LMF1: variants seen among roughly 807,000 people sequenced by gnomAD.
The protein encoded by LMF1 is lipase maturation factor 1.
Under a neutral mutation model 60.6 loss-of-function variants are expected in LMF1, and 68 were observed. The ratio of observed to expected loss-of-function variants is 1.12; its 90% CI spans 0.92 to 1.37. The LOEUF is 1.37. LMF1 is among the 40% of genes most tolerant of loss of function. The probability of loss-of-function intolerance (pLI) is 0.00; values close to 1 mark genes in which losing one functional copy is unlikely to be tolerated. For missense variants in LMF1, 948 were observed against 767.2 expected (o/e 1.24, Z -2.78); for synonymous variants, 418 against 324.7 (o/e 1.29, Z -3.09).
intron 10 of LMF1, chr16:855,365 CTCTCTGCTGAGCCCTGTATAAGG>C (rs1304751499): frequency 3.3e-6 from 1 of 299,896 alleles, no homozygotes; most frequent in African/African-American, 2.2e-5. Context: ...GCGGGCAGGT[CTCTCTGCTGAGCCCTGTATAAGG>C]TCCCGCCTGA....
chr16:883,033 C>T (rs1006364170), intron 5 of LMF1, among the ~76,000 whole-genome samples: 5 of 142,928 alleles, frequency 3.5e-5, no homozygotes, highest in South Asian at 4.6e-4. Context: ...AGCCACCCAG[C>T]GGAGCCCATC....
intron 4 of LMF1, among the ~76,000 whole-genome samples, chr16:904,384 G>T (rs1417847721): frequency 6.3e-5 from 7 of 110,356 alleles, no homozygotes; most frequent in Non-Finnish European, 1.3e-4. Context: ...TGCGTGGGGT[G>T]ACCTCTGCAT....
chr16:894,551 C>T (rs749665960), intron 4 of LMF1, among the ~76,000 whole-genome samples: 1 of 152,164 alleles, frequency 6.6e-6, no homozygotes, highest in African/African-American at 2.4e-5. Flanking sequence ...ATGCTGCAGG[C>T]GCAGGTGCGA....
At chr16:890,034 T>C (rs1298524804) in intron 5 of LMF1, among the ~76,000 whole-genome samples, 1 of 152,060 alleles carries the variant, frequency 6.6e-6, no homozygotes, top group Non-Finnish European at 1.5e-5. Context: ...AGATGTGGTG[T>C]CCTCGCTCTC....
chr16:891,440 A>G (rs1567192630), intron 5 of LMF1, among the ~76,000 whole-genome samples: 1 of 152,216 alleles, frequency 6.6e-6, no homozygotes, highest in Non-Finnish European at 1.5e-5. Flanking sequence ...TCTCTTGCCA[A>G]TGGAAAGCTG....
chr16:894,690 C>T (rs566056992), intron 4 of LMF1, among the ~76,000 whole-genome samples: 3 of 152,324 alleles, frequency 2.0e-5, no homozygotes, highest in South Asian at 4.1e-4. Flanking sequence ...CTGGGGCAGC[C>T]GCACTGGGCT....
chr16:911,608 GGGGGCAGCACTT>G (rs1335769325), intron 3 of LMF1, among the ~76,000 whole-genome samples: 17 of 34,514 alleles, frequency 4.9e-4, no homozygotes, highest in African/African-American at 2.9e-3. Context: ...GCAGCACTGG[GGGGGCAGCACTT>G]GGGGGGGCAG....
intron 6 of LMF1, among the ~76,000 whole-genome samples, chr16:877,642 G>A (rs1416995715): frequency 5.9e-5 from 9 of 152,320 alleles, no homozygotes; most frequent in Admixed American, 2.6e-4. Flanking sequence ...AAGCAGCCAC[G>A]AAAACAACCC....
chr16:978,985 TC>T, intron 1 of LMF1: 1 of 453,988 alleles, frequency 2.2e-6, no homozygotes, highest in South Asian at 1.6e-5. Flanking sequence ...AGACCATCCT[TC>T]CTGAAGTCCC....
intron 6 of LMF1, among the ~76,000 whole-genome samples, chr16:879,102 G>A (rs1274441081): frequency 6.6e-6 from 1 of 152,092 alleles, no homozygotes; most frequent in African/African-American, 2.4e-5. Context: ...CCGGGGTTCC[G>A]GGGGCTGGGG....
chr16:907,544 C>T (rs2071001250), intron 4 of LMF1, among the ~76,000 whole-genome samples: 1 of 152,074 alleles, frequency 6.6e-6, no homozygotes, highest in Non-Finnish European at 1.5e-5. Flanking sequence ...CCACGGGGCT[C>T]CCCCTGAGAT....
intron 1 of LMF1, 38 bp downstream of exon 1, chr16:970,750 T>G: frequency 2.0e-6 from 3 of 1,486,696 alleles, no homozygotes; most frequent in Admixed American, 2.1e-5. Flanking sequence ...TGCGCGGAGG[T>G]GACACTGGCG....
At chr16:855,255 C>G (rs866673657) in intron 10 of LMF1, 1 of 245,868 alleles carries the variant, frequency 4.1e-6, no homozygotes, top group Admixed American at 5.1e-5. Flanking sequence ...GGCTTCAGGC[C>G]CTTCCCTGCC....
chr16:949,412 AACAGTCAGCCAACG>A (rs1477578793), intron 2 of LMF1, among the ~76,000 whole-genome samples: 2 of 150,536 alleles, frequency 1.3e-5, no homozygotes, highest in Admixed American at 1.3e-4. Context: ...GTCAGCCAAC[AACAGTCAGCCAACG>A]ACAGAGTCAG....
rs2151711837 is a variant in LMF1, at chr16:878,223, G to C, written c.897+1347C>G. Among the ~76,000 whole-genome samples the C allele has an allele frequency of 6.6e-6, 1 of 152,274 alleles. No individual in the cohort carries two copies. The highest frequency in any genetic ancestry group is 2.1e-4 in the South Asian group (1 of 4,820). On this transcript the variant is annotated intron_variant, in intron 6 of 10. Coordinates refer to ENST00000262301, the MANE Select transcript of LMF1 (RefSeq NM_022773.4). This position sits in a 1 kb window ranked among gnomAD's most constrained non-coding sequence, Gnocchi z 5.2. ...GCTGCAGAGAGAAACGTGCGGTCCT[G>C]GCTGGGGGACGATCTGTGAGCAAGT... is the stretch of plus-strand genomic sequence containing the variant.
In LMF1 at chr16:870,017, T is replaced by C. The variant is rs901474180; in HGVS notation, c.1282A>G (p.Asn428Asp). 2 of 1,612,676 alleles carry C rather than the reference T, an allele frequency of 1.2e-6. No homozygotes were observed. The highest frequency in any genetic ancestry group is 2.7e-5 in the African/African-American group (2 of 75,048). The change falls in exon 9 of 11, where the codon AAC (asparagine) becomes GAC (aspartate). Residue 428 changes from asparagine to aspartate, a missense_variant. Transcript: ENST00000262301. ...CACATGGCATCGGGGGCGCTGGCGTTGGAGCTGGCTGTGCCCTGCAGGATC... is the reference window on the plus strand; with the variant it reads ...CACATGGCATCGGGGGCGCTGGCGTCGGAGCTGGCTGTGCCCTGCAGGATC... ...EVILQGTASS[N>D]ASAPDAMWED...
intron 3 of LMF1, among the ~76,000 whole-genome samples, chr16:920,153 C>T (rs2071395038): frequency 6.6e-6 from 1 of 151,990 alleles, no homozygotes; most frequent in East Asian, 1.9e-4. Context: ...AAGACATTCA[C>T]ACTGGCCCTA....
chr16:855,378 C>G (rs2069157632), intron 10 of LMF1: 1 of 328,358 alleles, frequency 3.0e-6, no homozygotes, highest in Non-Finnish European at 6.0e-6. Flanking sequence ...TCTGCTGAGC[C>G]CTGTATAAGG....
chr16:972,015 G>A (rs1357360604), upstream of LMF1, among the ~76,000 whole-genome samples: 1 of 152,118 alleles, frequency 6.6e-6, no homozygotes, highest in African/African-American at 2.4e-5. Flanking sequence ...TATCGCCACT[G>A]GGTTGGTCAA....
Sources: allele counts gnomAD v4.1 joint callset (sites outside exome capture counted in the v4.1 genomes callset), GRCh38; gene constraint gnomAD v4.1.1; non-coding constraint Gnocchi (gnomAD v3.1); transcripts MANE v1.5; gene names NCBI Gene and HGNC (gene_info 2026-07-23, HGNC 2026-07-21).